Variants in GOLGA4 observed in about 807,000 individuals in gnomAD.
The protein encoded by GOLGA4 is golgin subfamily A member 4.
A neutral mutation model predicts 265.9 loss-of-function variants in GOLGA4; 169 were observed. The observed-to-expected ratio is 0.64, with a 90% CI of 0.56 to 0.72. The LOEUF (loss-of-function observed/expected upper bound fraction) is 0.72. Ranked by LOEUF, GOLGA4 falls within the 30% of genes least tolerant of loss-of-function variation. GOLGA4 has a pLI of 0.00. For missense variants in GOLGA4, 2,482 were observed against 2,483.4 expected (o/e 1.00, Z 0.01); for synonymous variants, 923 against 855.8 (o/e 1.08, Z -1.37).
intron 5 of GOLGA4, among the ~76,000 whole-genome samples, chr3:37,289,898 T>C (rs2096860466): frequency 6.6e-6 from 1 of 152,234 alleles, no homozygotes; most frequent in Non-Finnish European, 1.5e-5. Context: ...TTTACTGCTA[T>C]TGGTGTTTTC....
At chr3:37,292,628 A>G (rs1435495372) in intron 5 of GOLGA4, among the ~76,000 whole-genome samples, 1 of 152,128 alleles carries the variant, frequency 6.6e-6, no homozygotes, top group Non-Finnish European at 1.5e-5. Context: ...GGAGTTTGGC[A>G]GTGAGCCTAG....
At chr3:37,272,998 T>C (rs747838415) in intron 2 of GOLGA4, among the ~76,000 whole-genome samples, 73 of 152,198 alleles carry the variant, frequency 4.8e-4, no homozygotes, top group Non-Finnish European at 9.6e-4. Context: ...CAAAAATCTT[T>C]CGCGTGTGGA....
intron 10 of GOLGA4, among the ~76,000 whole-genome samples, chr3:37,303,859 A>G (rs2096899523): frequency 6.6e-6 from 1 of 152,218 alleles, no homozygotes; most frequent in African/African-American, 2.4e-5. Flanking sequence ...CTCTGCTCTA[A>G]GGGCTTTGCT....
chr3:37,293,006 G>T (rs534051612), intron 5 of GOLGA4, among the ~76,000 whole-genome samples: 1 of 152,190 alleles, frequency 6.6e-6, no homozygotes, highest in Non-Finnish European at 1.5e-5. Flanking sequence ...TGTTTTGCTC[G>T]GGCAATTCTT....
chr3:37,258,069 G>GTA (rs201905438), intron 2 of GOLGA4, among the ~76,000 whole-genome samples: 2 of 48,128 alleles, frequency 4.2e-5, no homozygotes. Flanking sequence ...ATGTATATAT[G>GTA]TATATATATA....
chr3:37,330,929 G>T (rs1243810793), intron 16 of GOLGA4, among the ~76,000 whole-genome samples: 1 of 151,588 alleles, frequency 6.6e-6, no homozygotes, highest in East Asian at 1.9e-4. Context: ...CTCAGAGGAG[G>T]ATGAGGCAGG....
At chr3:37,343,845 T>C (rs2097047232) in intron 20 of GOLGA4, among the ~76,000 whole-genome samples, 1 of 152,198 alleles carries the variant, frequency 6.6e-6, no homozygotes, top group African/African-American at 2.4e-5. Context: ...TCATGACATA[T>C]TTACGATTTT....
At chr3:37,286,112 G>C (rs752946830) in intron 4 of GOLGA4, 51 bp downstream of exon 4, 1 of 535,432 alleles carries the variant, frequency 1.9e-6, no homozygotes, top group African/African-American at 2.1e-5. Flanking sequence ...AAATCAGAAA[G>C]ATCTTATATA....
chr3:37,353,129 G>A (rs1001960969), intron 21 of GOLGA4, among the ~76,000 whole-genome samples: 1 of 152,000 alleles, frequency 6.6e-6, no homozygotes, highest in Non-Finnish European at 1.5e-5. Context: ...TATCTTATAT[G>A]GGCATGGTTT....
chr3:37,248,307 A>G (rs2096724960), intron 1 of GOLGA4, among the ~76,000 whole-genome samples: 1 of 152,200 alleles, frequency 6.6e-6, no homozygotes. Context: ...AATTGAGTAT[A>G]ACTGTGGTCA....
At chr3:37,297,027 A>G (rs1240341632) in intron 7 of GOLGA4, among the ~76,000 whole-genome samples, 1 of 152,206 alleles carries the variant, frequency 6.6e-6, no homozygotes, top group Non-Finnish European at 1.5e-5. Flanking sequence ...TAAGTGGGCT[A>G]TTTGTAATTG....
chr3:37,314,092 C>T (rs1265777053), intron 10 of GOLGA4, among the ~76,000 whole-genome samples: 2 of 151,694 alleles, frequency 1.3e-5, no homozygotes, highest in African/African-American at 4.8e-5. Flanking sequence ...CCTCAGACTT[C>T]CAAGTAGCTG....
At chr3:37,348,707 A>G (rs912902492) in intron 21 of GOLGA4, among the ~76,000 whole-genome samples, 8 of 152,208 alleles carry the variant, frequency 5.3e-5, no homozygotes, top group African/African-American at 1.2e-4. Flanking sequence ...ATCTAAAGCT[A>G]TGATGCAAGG....
At chr3:37,338,390 A>C (rs1259602467) in intron 19 of GOLGA4, among the ~76,000 whole-genome samples, 3 of 152,180 alleles carry the variant, frequency 2.0e-5, no homozygotes, top group Non-Finnish European at 4.4e-5. Flanking sequence ...TTTTCTTGGA[A>C]TATGTTTGAA....
At chr3:37,364,978 C>T (rs1696635082) in intron 23 of GOLGA4, among the ~76,000 whole-genome samples, 1 of 152,116 alleles carries the variant, frequency 6.6e-6, no homozygotes, top group Non-Finnish European at 1.5e-5. Context: ...TCACTGCAGC[C>T]TTGACTTCCC....
In GOLGA4 at chr3:37,257,938, T is replaced by C. The variant is rs1197076898; in HGVS notation, c.162+6454T>C. 1.1e-4 allele frequency among the ~76,000 whole-genome samples: 12 copies of C among 110,788 alleles called. 2 individuals carry two copies. The highest frequency in any genetic ancestry group is 1.9e-4 in the Admixed American group (2 of 10,358). 72.7% of individuals were successfully genotyped at this position (110,788 alleles called of 152,430 possible). On this transcript the variant is annotated intron_variant, in intron 2 of 23. Transcript: ENST00000361924. ...ATGTATGTATATATGTATATATACATACATATATATGTATGTATATATGTA... is the reference window on the plus strand; with the variant it reads ...ATGTATGTATATATGTATATATACACACATATATATGTATGTATATATGTA...
At chr3:37,291,574 T>A (rs1405338175) in intron 5 of GOLGA4, among the ~76,000 whole-genome samples, 1 of 152,206 alleles carries the variant, frequency 6.6e-6, no homozygotes, top group African/African-American at 2.4e-5. Context: ...TAGAAAACTG[T>A]GAGAGAGCTC....
intron 10 of GOLGA4, among the ~76,000 whole-genome samples, chr3:37,314,642 A>AACACACACACACACACACACACAC (rs60890140): frequency 1.4e-4 from 20 of 138,970 alleles, no homozygotes; most frequent in Non-Finnish European, 2.0e-4. Flanking sequence ...CTCCGTCTCA[A>AACACACACACACACACACACACAC]ACACACACAC....
intron 2 of GOLGA4, among the ~76,000 whole-genome samples, chr3:37,258,868 T>C (rs1421131654): frequency 6.6e-6 from 1 of 152,182 alleles, no homozygotes; most frequent in Non-Finnish European, 1.5e-5. Flanking sequence ...CTTTTTTATA[T>C]ATTACCGGAT....
Sources: allele counts gnomAD v4.1 joint callset (sites outside exome capture counted in the v4.1 genomes callset), GRCh38; gene constraint gnomAD v4.1.1; transcripts MANE v1.5; gene names NCBI Gene and HGNC (gene_info 2026-07-23, HGNC 2026-07-21).